Variants in USP20 observed in about 807,000 individuals in gnomAD.
USP20 encodes ubiquitin specific peptidase 20, also known as ubiquitin carboxyl-terminal hydrolase 20.
USP20 carries 80 observed loss-of-function variants against 124.2 expected under a neutral mutation model. The observed-to-expected ratio is 0.64, with a 90% confidence interval of 0.54 to 0.78. The LOEUF (loss-of-function observed/expected upper bound fraction) is 0.78, where lower values mean the gene tolerates loss of function less well. Ranked by LOEUF, USP20 falls within the 30% of genes least tolerant of loss-of-function variation. The pLI, the probability that USP20 is intolerant of heterozygous loss-of-function variation, is 0.00. For missense variants in USP20, 1,043 were observed against 1,244.4 expected, an observed-to-expected ratio of 0.84 and a Z score of 2.44; for synonymous variants, 481 against 512.3, an observed-to-expected ratio of 0.94 and a Z score of 0.83.
intron 1 of USP20, among the ~76,000 whole-genome samples, chr9:129,837,116 G>A (rs899427999): frequency 2.0e-5 from 3 of 152,194 alleles, no homozygotes; most frequent in Non-Finnish European, 2.9e-5. Context: ...ATCTAATTGA[G>A]TGCTCTTTAG....
At chr9:129,873,451 T>C in intron 15 of USP20, 31 bp from the exon 16 acceptor site, 1 of 1,613,940 alleles carries the variant, frequency 6.2e-7, no homozygotes, top group Non-Finnish European at 8.5e-7. Flanking sequence ...GCATCCTTGC[T>C]AACCTCTGAC....
intron 17 of USP20, 55 bp downstream of exon 17, chr9:129,873,799 C>T (rs2034254223): frequency 6.3e-7 from 1 of 1,593,626 alleles, no homozygotes; most frequent in Non-Finnish European, 8.5e-7. Flanking sequence ...TGCACACCAG[C>T]ACACACCAGG....
intron 15 of USP20, 72 bp downstream of exon 15, chr9:129,870,619 G>T: frequency 6.6e-6 from 10 of 1,525,938 alleles, no homozygotes; most frequent in Middle Eastern, 1.7e-4. Context: ...ACCCCAGCAG[G>T]CCAGCATGCA....
Position 129,868,491 on chromosome 9 carries a change from G to T in USP20, c.1135+42G>T. On this transcript the variant is annotated intron_variant, in intron 11 of 25. Coordinates refer to ENST00000372429, the MANE Select transcript of USP20 (RefSeq NM_001110303.4). ...GACTGCGGGAGGAACCTCAGCCTAT[G>T]GCCCAGTACCTACCGGGTGCTGAGC... is the stretch of plus-strand genomic sequence containing the variant. 2.5e-6 allele frequency: 4 copies of T among 1,575,938 alleles called. No homozygotes were observed. In the South Asian group the frequency reaches 3.4e-5, roughly 14 times the overall value.
At chr9:129,873,558 G>T (rs777886145) in intron 16 of USP20, 43 bp downstream of exon 16, 1 of 1,613,902 alleles carries the variant, frequency 6.2e-7, no homozygotes, top group Admixed American at 1.7e-5. Context: ...TGCCGTTTCT[G>T]TGCCCTACAT....
rs550402936 is a variant in USP20, at chr9:129,861,663, G to A, written c.497+51G>A. 45 of 1,573,352 alleles carry A rather than the reference G, an allele frequency of 2.9e-5. No homozygotes were observed. The South Asian group carries it at 4.0e-4, about 14-fold the overall frequency. ...CGAGAGCTGTCCCTGGCAAAGCCCC[G>A]GAAACAGCAGCAGTAGCAGCCCCCA... On this transcript the variant is annotated intron_variant, in intron 8 of 25. Transcript: ENST00000372429.
Position 129,873,754 on chromosome 9 carries a change from T to C in USP20, c.1740+10T>C, listed in dbSNP as rs4415421. On this transcript the variant is annotated intron_variant, in intron 17 of 25. Transcript: ENST00000372429. ...CCTGCGGTTGCCCGAGGTGAGCCAG[T>C]GGCCTCGGCAGCCTCCTCCTCAGCT... 1,455,067 of 1,610,540 alleles carry C rather than the reference T, an allele frequency of 0.9. 659,685 individuals are homozygous for C. The highest frequency in any genetic ancestry group is 1 in the East Asian group (44,749 of 44,864).
chr9:129,841,792 G>T (rs950748909), intron 1 of USP20, among the ~76,000 whole-genome samples: 3 of 152,144 alleles, frequency 2.0e-5, no homozygotes. Flanking sequence ...CAGGAGGTGA[G>T]CTTAGATCTC....
chr9:129,835,598 G>A lies in USP20; in HGVS notation c.-129+99G>A, dbSNP rs148949250. Reference sequence around the variant, plus strand: ...GGCTGACAGGGCCTGGCTTCGCCAGGTACGCCAGACGCAGCGGCCCGGTGA... The same window carrying A: ...GGCTGACAGGGCCTGGCTTCGCCAGATACGCCAGACGCAGCGGCCCGGTGA... On this transcript the variant is annotated intron_variant, in intron 1 of 25. Transcript: ENST00000372429. 714 of 164,132 alleles carry A rather than the reference G, an allele frequency of 4.4e-3. 7 individuals are homozygous for A. Among genetic ancestry groups the A allele is most frequent in the African/African-American group, 0.016 (679 of 41,868 alleles). The allele number at this position is 164,132 out of a possible 1,614,324, so 10.2% of individuals were successfully genotyped here.
chr9:129,879,597 G>T lies in USP20; in HGVS notation c.2537G>T (p.Ser846Ile). ...GAGCCCCCCGGGCCCATTGACAACA[G>T]CAGGATTGCACAGGTCAAAGGAAGC... Reference protein sequence around the residue: ...DNEPPGPIDNSRIAQVKGSGH... With the variant: ...DNEPPGPIDNIRIAQVKGSGH... The change falls in exon 24 of 26, where the codon AGC (serine) becomes ATC (isoleucine). Residue 846 changes from serine (S) to isoleucine (I), a missense_variant. Transcript: ENST00000372429. The surrounding 1 kb of genome is among the most constrained non-coding windows in gnomAD (Gnocchi z 4.2). The T allele has an allele frequency of 6.2e-7, 1 of 1,613,818 alleles. No individual in the cohort carries two copies. The highest frequency in any genetic ancestry group is 8.5e-7 in the Non-Finnish European group (1 of 1,179,988).
Position 129,881,659 on chromosome 9 carries a change from G to C in USP20, c.*1209G>C, listed in dbSNP as rs934548713. 2 of 152,496 alleles carry C rather than the reference G, an allele frequency of 1.3e-5. No homozygotes were observed. Among genetic ancestry groups the C allele is most frequent in the Non-Finnish European group, 2.9e-5 (2 of 68,140 alleles). 9.4% of individuals were successfully genotyped at this position (152,496 alleles called of 1,614,324 possible). The stretch of plus-strand genomic sequence containing the variant: ...ATCCTGCTCCCTCCCTGCTGAGCCT[G>C]GGGTTCCCCTGGCATTGGCCCCAGC... On this transcript the variant is annotated 3_prime_UTR_variant, in exon 26 of 26. Transcript: ENST00000372429.
rs367592631 is a variant in USP20, at chr9:129,865,428, C to T, written c.690+47C>T. The T allele has an allele frequency of 1.8e-5, 29 of 1,601,694 alleles. No individual in the cohort carries two copies. The African/African-American group carries it at 3.9e-4, about 21-fold the overall frequency. ...GGGGACACCCAAGGCCATGACCCAC[C>T]AGGCCTGACTTTGACGCCAAAACCA... On this transcript the variant is annotated intron_variant, in intron 10 of 25. Coordinates refer to ENST00000372429, the MANE Select transcript of USP20 (RefSeq NM_001110303.4).
At chr9:129,854,603 A>T (rs1289753039) in intron 3 of USP20, among the ~76,000 whole-genome samples, 1 of 152,030 alleles carries the variant, frequency 6.6e-6, no homozygotes, top group Non-Finnish European at 1.5e-5. Context: ...CTGAATTGTT[A>T]TAGCAAGCAT....
In USP20 at chr9:129,837,519, C is replaced by T. The variant is rs1011017102; in HGVS notation, c.-129+2020C>T. Among the ~76,000 whole-genome samples, 7 of 150,772 alleles carry T rather than the reference C, an allele frequency of 4.6e-5. No individual in the cohort carries two copies. In the South Asian group the frequency reaches 1.5e-3, roughly 32 times the overall value. On this transcript the variant is annotated intron_variant, in intron 1 of 25. Transcript: ENST00000372429. ...AATGTATTTATTGGATCAATGTATT[C>T]AACAGATTCTTAGCATTTACTATAT... is the stretch of plus-strand genomic sequence containing the variant.
At position 129,880,187 on chromosome 9, in the gene USP20, GCCATC is replaced by G; in HGVS notation, c.2661_2665del (p.Ile888ProfsTer176). On this transcript the variant is annotated frameshift_variant, in exon 25 of 26. Transcript: ENST00000372429. LOFTEE classifies it high-confidence loss of function. ...CCTGTATGGAGGTGGCCCCGAGATT[GCCATC>G]CGCCAGAGTGTGGCGCAGCCGCTGG... 6.2e-7 allele frequency: 1 copy of G among 1,613,856 alleles called. No individual in the cohort carries two copies.
intron 1 of USP20, among the ~76,000 whole-genome samples, chr9:129,837,744 C>T (rs1322280757): frequency 2.0e-5 from 3 of 152,172 alleles, no homozygotes; most frequent in Non-Finnish European, 4.4e-5. Context: ...TTAAAATTAG[C>T]GCATTCTGGT....
chr9:129,862,579 C>T lies in USP20; in HGVS notation c.498-607C>T, dbSNP rs566664847. 1.9e-4 allele frequency among the ~76,000 whole-genome samples: 29 copies of T among 151,238 alleles called. No individual in the cohort carries two copies. In the East Asian group the frequency reaches 5.5e-3, roughly 29 times the overall value. ...AAAAAAAAAAGAAAAATTGACCGCA[C>T]CCAATCCGTTTTAACTTTAATAACC... On this transcript the variant is annotated intron_variant, in intron 8 of 25. Coordinates refer to ENST00000372429, the MANE Select transcript of USP20 (RefSeq NM_001110303.4).
At chr9:129,869,918 C>T (rs774841495) in intron 14 of USP20, 74 bp downstream of exon 14, 87 of 1,548,214 alleles carry the variant, frequency 5.6e-5, no homozygotes, top group Non-Finnish European at 6.9e-5. Context: ...AGACAGTACA[C>T]AGTGAAGTCC....
chr9:129,853,700 A>T (rs982557939), intron 3 of USP20, among the ~76,000 whole-genome samples: 1 of 152,222 alleles, frequency 6.6e-6, no homozygotes, highest in African/African-American at 2.4e-5. Context: ...CTCTTGCAGC[A>T]TGAAGTGGGG....
Sources: gnomAD v4.1 joint callset for allele counts (sites outside exome capture counted in the v4.1 genomes callset) on GRCh38, gnomAD v4.1.1 for gene constraint, Gnocchi (gnomAD v3.1) non-coding constraint, MANE v1.5 for transcripts, NCBI Gene and HGNC (gene_info 2026-07-23, HGNC 2026-07-21) for gene names.